SDK1: variants seen among roughly 807,000 people sequenced by gnomAD.
The protein encoded by SDK1 is sidekick cell adhesion molecule 1.
SDK1 carries 157 observed loss-of-function variants against 245.5 expected under a neutral mutation model. The ratio of observed to expected loss-of-function variants is 0.64; its 90% CI spans 0.56 to 0.73. The LOEUF (loss-of-function observed/expected upper bound fraction) is 0.73, where lower values mean the gene tolerates loss of function less well. SDK1 is among the 30% of genes least tolerant of loss of function. SDK1 has a pLI of 0.00. For synonymous variants in SDK1, 1,647 were observed against 1,278.5 expected (o/e 1.29, Z -6.15); for missense variants, 3,583 against 3,002.3 (o/e 1.19, Z -4.52).
At chr7:3,924,751 T>G (rs139410140) in intron 5 of SDK1, among the ~76,000 whole-genome samples, 135 of 152,306 alleles carry the variant, frequency 8.9e-4, no homozygotes, top group African/African-American at 3.2e-3. Flanking sequence ...TGAAAGATAC[T>G]AATGAATTTC....
intron 1 of SDK1, among the ~76,000 whole-genome samples, chr7:3,567,804 A>T (rs1006439675): frequency 6.6e-6 from 1 of 151,850 alleles, no homozygotes; most frequent in Non-Finnish European, 1.5e-5. Context: ...TATTTTATTT[A>T]TCTTTTATTC....
intron 14 of SDK1, among the ~76,000 whole-genome samples, chr7:4,007,477 T>G (rs1785575665): frequency 1.3e-5 from 2 of 152,054 alleles, no homozygotes; most frequent in Admixed American, 6.5e-5. Context: ...AGGGCGGAGC[T>G]TGGATCTAGG....
In SDK1 at chr7:4,145,814, G is replaced by A. The variant is rs368279674; in HGVS notation, c.4321G>A (p.Asp1441Asn). The A allele has an allele frequency of 5.9e-5, 95 of 1,613,684 alleles. No homozygotes were observed. Among genetic ancestry groups the A allele is most frequent in the Non-Finnish European group, 7.0e-5 (83 of 1,179,948 alleles). ...CACAGTGAGGCAGTTCACAGCCACCGACCTGGCCCCGGAGTCCGCATACAT... is the reference window on the plus strand; with the variant it reads ...CACAGTGAGGCAGTTCACAGCCACCAACCTGGCCCCGGAGTCCGCATACAT... ...GATVRQFTAT[D>N]LAPESAYIFR... The change falls in exon 29 of 45, where the codon GAC (aspartate) becomes AAC (asparagine). Residue 1441 changes from aspartate to asparagine, a missense_variant. Asp to Asn is a conservative substitution (Grantham distance 23). Transcript: ENST00000404826.
In SDK1 at chr7:4,220,223, C is replaced by T. The variant is rs1785064200; in HGVS notation, c.5654C>T (p.Thr1885Ile). ...TTCCGTGTCCAAGCGCGGACCATCA[C>T]CTACGGGCCCGAGCTCCAAGCCAAT... The part of the protein sequence containing the change: ...YFFRVQARTI[T>I]YGPELQANIT... The change falls in exon 39 of 45, where the codon ACC becomes ATC. Residue 1885 changes from threonine to isoleucine, a missense_variant. Thr to Ile is a moderately conservative substitution (Grantham distance 89). Transcript: ENST00000404826. 6.2e-7 allele frequency: 1 copy of T among 1,613,998 alleles called. No homozygotes were observed. The highest frequency in any genetic ancestry group is 1.3e-5 in the African/African-American group (1 of 75,044).
intron 1 of SDK1, among the ~76,000 whole-genome samples, chr7:3,546,471 C>T (rs1779229858): frequency 6.6e-6 from 1 of 152,164 alleles, no homozygotes; most frequent in Admixed American, 6.5e-5. Context: ...TTACAATATC[C>T]TACAGATTGA....
intron 1 of SDK1, among the ~76,000 whole-genome samples, chr7:3,544,170 T>C (rs1779141359): frequency 6.6e-6 from 1 of 152,260 alleles, no homozygotes; most frequent in African/African-American, 2.4e-5. Context: ...CATGCTTGAC[T>C]GCATATGAAT....
chr7:3,726,976 G>A (rs1241562133), intron 4 of SDK1, among the ~76,000 whole-genome samples: 1 of 152,226 alleles, frequency 6.6e-6, no homozygotes, highest in African/African-American at 2.4e-5. Flanking sequence ...TAATCAAACT[G>A]TAATTGCCTG....
chr7:3,620,833 C>G (rs947890321), intron 2 of SDK1, among the ~76,000 whole-genome samples: 4 of 152,020 alleles, frequency 2.6e-5, no homozygotes, highest in Non-Finnish European at 5.9e-5. Context: ...TTCCCATTAC[C>G]CACCCACACT....
chr7:4,004,441 T>A (rs1785307168), intron 14 of SDK1, among the ~76,000 whole-genome samples: 1 of 152,252 alleles, frequency 6.6e-6, no homozygotes, highest in Non-Finnish European at 1.5e-5. Context: ...AGCATGCTCA[T>A]TCTCATTCAT....
chr7:3,701,677 G>A (rs1198122146), intron 4 of SDK1, among the ~76,000 whole-genome samples: 1 of 152,008 alleles, frequency 6.6e-6, no homozygotes, highest in Non-Finnish European at 1.5e-5. Flanking sequence ...GAACAGTTTT[G>A]GAAAAGACGG....
At chr7:3,318,347 A>C (rs765828637) in intron 1 of SDK1, among the ~76,000 whole-genome samples, 3 of 152,228 alleles carry the variant, frequency 2.0e-5, no homozygotes, top group Non-Finnish European at 4.4e-5. Context: ...ACCTTGGGCA[A>C]GTTGAATCAC....
At chr7:3,734,909 C>T (rs778822679) in intron 4 of SDK1, among the ~76,000 whole-genome samples, 1 of 152,186 alleles carries the variant, frequency 6.6e-6, no homozygotes, top group African/African-American at 2.4e-5. Context: ...CAGTCCTGTT[C>T]TTGGCTGAAG....
chr7:4,177,399 CACTT>C (rs1278552442), intron 34 of SDK1, among the ~76,000 whole-genome samples: 4 of 152,250 alleles, frequency 2.6e-5, no homozygotes, highest in Non-Finnish European at 5.9e-5. Flanking sequence ...CTCACCCTGT[CACTT>C]AGTGCGGAGC....
At chr7:3,800,785 A>G (rs185179983) in intron 4 of SDK1, among the ~76,000 whole-genome samples, 1 of 152,316 alleles carries the variant, frequency 6.6e-6, no homozygotes, top group Admixed American at 6.5e-5. Context: ...TCCCTGAATC[A>G]GAAGACCAAA....
At chr7:3,803,800 T>A (rs1163200569) in intron 4 of SDK1, among the ~76,000 whole-genome samples, 3 of 144,716 alleles carry the variant, frequency 2.1e-5, no homozygotes, top group South Asian at 2.2e-4. Context: ...CAGGCTGGAG[T>A]GCAGTGGTGG....
At chr7:3,846,388 G>T (rs892709278) in intron 5 of SDK1, among the ~76,000 whole-genome samples, 22 of 152,196 alleles carry the variant, frequency 1.4e-4, no homozygotes, top group African/African-American at 5.1e-4. Flanking sequence ...TTTAAAAGGA[G>T]AAGGACATTT....
At chr7:4,081,280 C>T (rs974673988) in intron 22 of SDK1, among the ~76,000 whole-genome samples, 6 of 152,144 alleles carry the variant, frequency 3.9e-5, no homozygotes, top group Admixed American at 3.3e-4. Flanking sequence ...ACTTGGGCAA[C>T]GTGGCCCTGT....
intron 4 of SDK1, among the ~76,000 whole-genome samples, chr7:3,763,796 T>C (rs1780173252): frequency 6.6e-6 from 1 of 152,228 alleles, no homozygotes; most frequent in African/African-American, 2.4e-5. Flanking sequence ...AATTCATTCA[T>C]GACATATTCA....
At chr7:4,034,461 C>T (rs971649087) in intron 17 of SDK1, among the ~76,000 whole-genome samples, 4 of 152,194 alleles carry the variant, frequency 2.6e-5, no homozygotes, top group Admixed American at 2.0e-4. Flanking sequence ...ATGTTAGCAG[C>T]TCACTCTCAA....
Sources: gnomAD v4.1 joint callset for allele counts (sites outside exome capture counted in the v4.1 genomes callset) on GRCh38, gnomAD v4.1.1 for gene constraint, MANE v1.5 for transcripts, NCBI Gene and HGNC (gene_info 2026-07-23, HGNC 2026-07-21) for gene names.